Variants in PTPRD observed in about 807,000 individuals in gnomAD.
PTPRD encodes protein tyrosine phosphatase receptor type D.
Under a neutral mutation model 214.5 loss-of-function variants are expected in PTPRD, and 34 were observed. That is an observed-to-expected ratio of 0.16 (90% CI 0.12 to 0.21). The LOEUF is 0.21. Ranked by LOEUF, PTPRD falls within the 10% of genes least tolerant of loss-of-function variation. The pLI, the probability that PTPRD is intolerant of heterozygous loss-of-function variation, is 1.00. For missense variants in PTPRD, 2,545 were observed against 2,398.7 expected, an observed-to-expected ratio of 1.06 and a Z score of -1.27; for synonymous variants, 1,128 against 845.7, an observed-to-expected ratio of 1.33 and a Z score of -5.79.
intron 3 of PTPRD, among the ~76,000 whole-genome samples, chr9:10,126,657 T>C (rs918508850): frequency 6.6e-6 from 1 of 152,152 alleles, no homozygotes; most frequent in Non-Finnish European, 1.5e-5. Context: ...AGATTCTTTC[T>C]TTTTTCTTTT....
At chr9:9,570,898 T>A (rs1264062756) in intron 8 of PTPRD, among the ~76,000 whole-genome samples, 1 of 151,500 alleles carries the variant, frequency 6.6e-6, no homozygotes, top group Admixed American at 6.6e-5. Context: ...GATTTTAATT[T>A]ATAAACCCCA....
At chr9:9,242,513 G>C (rs568994956) in intron 9 of PTPRD, among the ~76,000 whole-genome samples, 184 of 152,184 alleles carry the variant, frequency 1.2e-3, no homozygotes, top group African/African-American at 3.9e-3. Flanking sequence ...TTTTCACATA[G>C]TCCCATATTT....
chr9:10,196,848 C>T (rs2099400356), intron 3 of PTPRD, among the ~76,000 whole-genome samples: 1 of 151,928 alleles, frequency 6.6e-6, no homozygotes, highest in East Asian at 1.9e-4. Flanking sequence ...GCCACATGGG[C>T]ACCTCCACTA....
intron 2 of PTPRD, among the ~76,000 whole-genome samples, chr9:10,429,731 AG>A (rs374685357): frequency 6.6e-6 from 1 of 150,398 alleles, no homozygotes; most frequent in Non-Finnish European, 1.5e-5. Context: ...ATGAAGACTC[AG>A]GGGGCTAAGG....
intron 7 of PTPRD, among the ~76,000 whole-genome samples, chr9:9,675,528 T>A (rs2096912538): frequency 6.6e-6 from 1 of 151,840 alleles, no homozygotes; most frequent in Non-Finnish European, 1.5e-5. Context: ...AGACTACAAA[T>A]ACTTAGTACT....
rs1456409008 is a variant in PTPRD, at chr9:9,923,200, C to G, written c.-368+15307G>C. 2.0e-5 allele frequency among the ~76,000 whole-genome samples: 3 copies of G among 147,924 alleles called. No individual in the cohort carries two copies. The East Asian group carries it at 6.0e-4, about 29-fold the overall frequency. ...GACAAATGTTAACTCTACAGATAATCTGGGTAAAAGATAGTGAGGTGTTGT... is the reference window on the plus strand; with the variant it reads ...GACAAATGTTAACTCTACAGATAATGTGGGTAAAAGATAGTGAGGTGTTGT... On this transcript the variant is annotated intron_variant, in intron 5 of 45. Transcript: ENST00000381196.
intron 14 of PTPRD, among the ~76,000 whole-genome samples, chr9:8,610,333 T>C (rs1276356565): frequency 1.3e-5 from 2 of 152,164 alleles, no homozygotes; most frequent in Admixed American, 6.5e-5. Flanking sequence ...TGGTGGCTAT[T>C]ATCAATTTCA....
intron 11 of PTPRD, among the ~76,000 whole-genome samples, chr9:8,884,387 T>A (rs542422620): frequency 1.3e-5 from 2 of 152,318 alleles, no homozygotes; most frequent in East Asian, 3.9e-4. Flanking sequence ...TACAACTTGG[T>A]TGAAGTGGAA....
chr9:8,723,259 C>A (rs2098521470), intron 12 of PTPRD, among the ~76,000 whole-genome samples: 1 of 152,132 alleles, frequency 6.6e-6, no homozygotes, highest in Non-Finnish European at 1.5e-5. Flanking sequence ...TTTTTCATAG[C>A]TGGACCCTTC....
intron 9 of PTPRD, among the ~76,000 whole-genome samples, chr9:9,344,323 T>C (rs1243335175): frequency 6.6e-6 from 1 of 151,640 alleles, no homozygotes; most frequent in Non-Finnish European, 1.5e-5. Context: ...CTGAGGCCTG[T>C]CGGGGGTTTG....
At chr9:9,022,129 G>C (rs1020731393) in intron 10 of PTPRD, among the ~76,000 whole-genome samples, 1 of 150,690 alleles carries the variant, frequency 6.6e-6, no homozygotes, top group Admixed American at 6.6e-5. Flanking sequence ...ATCCCAGAAC[G>C]TAAAGTAAAA....
chr9:9,283,961 C>T (rs1481393673), intron 9 of PTPRD, among the ~76,000 whole-genome samples: 1 of 151,570 alleles, frequency 6.6e-6, no homozygotes, highest in Non-Finnish European at 1.5e-5. Context: ...TTTTCATAAA[C>T]AACCAGGTTT....
chr9:10,487,972 C>CTCTCTCTCTT (rs1265616044), intron 2 of PTPRD, among the ~76,000 whole-genome samples: 2 of 107,288 alleles, frequency 1.9e-5, no homozygotes, highest in Non-Finnish European at 4.5e-5. Context: ...CACAGTCTCT[C>CTCTCTCTCTT]TCTCTCTCTC....
rs2096224685 is a variant in PTPRD, at chr9:9,998,472, G to T, written c.-472+35246C>A. Reference sequence around the variant, plus strand: ...CCTTCCCATAGCATGACCTTAAGGGGCATCTCAAGAAAAACTCTAATCCAA... The same window carrying T: ...CCTTCCCATAGCATGACCTTAAGGGTCATCTCAAGAAAAACTCTAATCCAA... On this transcript the variant is annotated intron_variant, in intron 4 of 45. Transcript: ENST00000381196. 2.0e-5 allele frequency among the ~76,000 whole-genome samples: 3 copies of T among 151,716 alleles called. No individual in the cohort carries two copies. In the South Asian group the frequency reaches 6.3e-4, roughly 32 times the overall value.
chr9:9,213,589 T>C (rs1457369841), intron 9 of PTPRD, among the ~76,000 whole-genome samples: 1 of 152,152 alleles, frequency 6.6e-6, no homozygotes, highest in East Asian at 1.9e-4. Context: ...GAATCGGTTA[T>C]ATTTATTACA....
intron 11 of PTPRD, among the ~76,000 whole-genome samples, chr9:8,782,177 ATTG>A (rs2095739714): frequency 1.3e-5 from 2 of 151,172 alleles, no homozygotes; most frequent in African/African-American, 4.9e-5. Context: ...ATGGTATAAA[ATTG>A]CATATGTGTA....
chr9:9,992,883 G>C (rs982211339), intron 4 of PTPRD, among the ~76,000 whole-genome samples: 1 of 151,774 alleles, frequency 6.6e-6, no homozygotes, highest in Non-Finnish European at 1.5e-5. Context: ...ACACCAACAT[G>C]GCACATGTAT....
intron 2 of PTPRD, among the ~76,000 whole-genome samples, chr9:10,381,386 T>C (rs935490638): frequency 3.9e-5 from 6 of 152,048 alleles, no homozygotes; most frequent in Non-Finnish European, 8.8e-5. Flanking sequence ...TCATCATTTC[T>C]ATATTGCAGA....
chr9:8,540,990 G>C (rs2078261173), intron 14 of PTPRD, among the ~76,000 whole-genome samples: 1 of 151,876 alleles, frequency 6.6e-6, no homozygotes, highest in Non-Finnish European at 1.5e-5. Flanking sequence ...TTCTTTAGAG[G>C]GTGTCTTGAA....
Sources: allele counts gnomAD v4.1 joint callset (sites outside exome capture counted in the v4.1 genomes callset), GRCh38; gene constraint gnomAD v4.1.1; transcripts MANE v1.5; gene names NCBI Gene and HGNC (gene_info 2026-07-23, HGNC 2026-07-21).